CTIF: variants seen among roughly 807,000 people sequenced by gnomAD.
CTIF encodes CBP80/20-dependent translation initiation factor.
In CTIF, 21 loss-of-function variants were observed where a neutral mutation model predicts 66.0. The observed-to-expected ratio is 0.32, with a 90% CI of 0.23 to 0.46. The LOEUF (loss-of-function observed/expected upper bound fraction) is 0.46. CTIF is among the 20% of genes least tolerant of loss of function. CTIF has a pLI of 1.00. For synonymous variants in CTIF, 345 were observed against 326.4 expected (o/e 1.06, Z -0.62); for missense variants, 739 against 812.7 (o/e 0.91, Z 1.10).
chr18:48,684,372 A>G lies in CTIF; in HGVS notation c.507+13628A>G, dbSNP rs141166832. 7.4e-4 allele frequency among the ~76,000 whole-genome samples: 112 copies of G among 152,212 alleles called. No individual in the cohort carries two copies. In the East Asian group the frequency reaches 0.017, roughly 23 times the overall value. Reference sequence around the variant, plus strand: ...CTCAAGTGACCCGTTCCATTCCTCAAAGCAACTACATACCTTCACTGTTTT... The same window carrying G: ...CTCAAGTGACCCGTTCCATTCCTCAGAGCAACTACATACCTTCACTGTTTT... On this transcript the variant is annotated intron_variant, in intron 6 of 11. Coordinates refer to ENST00000256413, the MANE Select transcript of CTIF (RefSeq NM_014772.3).
chr18:48,647,222 C>T (rs897736058), intron 3 of CTIF, among the ~76,000 whole-genome samples: 1 of 152,142 alleles, frequency 6.6e-6, no homozygotes, highest in African/African-American at 2.4e-5. Context: ...CTCTGCAATT[C>T]CATTTATATA....
At chr18:48,692,102 A>G (rs145343062) in intron 6 of CTIF, among the ~76,000 whole-genome samples, 2,220 of 152,270 alleles carry the variant, frequency 0.015, 53 homozygotes, top group African/African-American at 0.05. Context: ...GGTTGGTCTC[A>G]AACTCCTGAC....
intron 6 of CTIF, among the ~76,000 whole-genome samples, chr18:48,679,011 C>T (rs2091693890): frequency 6.6e-6 from 1 of 152,186 alleles, no homozygotes; most frequent in South Asian, 2.1e-4. Flanking sequence ...CTGTGTGGAC[C>T]CTATCGCCGG....
intron 9 of CTIF, among the ~76,000 whole-genome samples, chr18:48,815,417 AT>A (rs1276901455): frequency 4.6e-5 from 7 of 152,252 alleles, no homozygotes; most frequent in Non-Finnish European, 8.8e-5. Context: ...TTATAGGACC[AT>A]TGTGATAACT....
At chr18:48,555,061 C>T (rs2088984540) in intron 1 of CTIF, among the ~76,000 whole-genome samples, 1 of 152,212 alleles carries the variant, frequency 6.6e-6, no homozygotes. Flanking sequence ...CCAAACCTCT[C>T]CTGGCTTCCC....
At chr18:48,641,563 C>T (rs2090932681) in intron 3 of CTIF, among the ~76,000 whole-genome samples, 1 of 152,214 alleles carries the variant, frequency 6.6e-6, no homozygotes, top group Non-Finnish European at 1.5e-5. Flanking sequence ...AGGGCACTCT[C>T]TTGTTTCATC....
Position 48,719,054 on chromosome 18 carries a change from C to T in CTIF, c.584+7359C>T, listed in dbSNP as rs554674646. ...TTCTTTTTGCCACCTCTTAATTCTA[C>T]GCTGTCTGCCCCATCAGTAGCCTCA... is the stretch of plus-strand genomic sequence containing the variant. On this transcript the variant is annotated intron_variant, in intron 7 of 11. Coordinates refer to ENST00000256413, the MANE Select transcript of CTIF (RefSeq NM_014772.3). Among the ~76,000 whole-genome samples, 6 of 152,320 alleles carry T rather than the reference C, an allele frequency of 3.9e-5. No homozygotes were observed. The East Asian group carries it at 5.8e-4, about 15-fold the overall frequency.
chr18:48,695,894 T>C (rs2091999628), intron 6 of CTIF, among the ~76,000 whole-genome samples: 1 of 152,230 alleles, frequency 6.6e-6, no homozygotes, highest in East Asian at 1.9e-4. Context: ...CTTCCTGCCA[T>C]TGTTGGGCTG....
intron 3 of CTIF, among the ~76,000 whole-genome samples, chr18:48,641,241 G>A (rs759005658): frequency 3.3e-5 from 5 of 152,270 alleles, no homozygotes; most frequent in Non-Finnish European, 7.3e-5. Context: ...GCATGGGAAA[G>A]GTTGTATGGG....
At chr18:48,827,595 C>T (rs1245759651) in intron 10 of CTIF, among the ~76,000 whole-genome samples, 1 of 152,166 alleles carries the variant, frequency 6.6e-6, no homozygotes. Flanking sequence ...ATCAGGAGAA[C>T]CTTTCTGCAT....
chr18:48,733,663 G>T (rs567711367), intron 7 of CTIF, among the ~76,000 whole-genome samples: 1 of 152,338 alleles, frequency 6.6e-6, no homozygotes, highest in East Asian at 1.9e-4. Context: ...TAGGATTATT[G>T]AGGAGAAGGA....
intron 10 of CTIF, among the ~76,000 whole-genome samples, chr18:48,824,046 A>G (rs1201036579): frequency 6.6e-6 from 1 of 151,828 alleles, no homozygotes; most frequent in Non-Finnish European, 1.5e-5. Flanking sequence ...AATTCAGTAA[A>G]TTTGCAAAAA....
At chr18:48,619,002 C>T (rs2090446176) in intron 1 of CTIF, among the ~76,000 whole-genome samples, 1 of 152,164 alleles carries the variant, frequency 6.6e-6, no homozygotes, top group African/African-American at 2.4e-5. Flanking sequence ...AAGTTACGGC[C>T]CATAGGCTTC....
At chr18:48,671,915 T>C (rs2091540524) in intron 6 of CTIF, among the ~76,000 whole-genome samples, 1 of 109,728 alleles carries the variant, frequency 9.1e-6, no homozygotes, top group Non-Finnish European at 1.8e-5. Flanking sequence ...GTTAATCCCA[T>C]TCAGTATATT....
intron 9 of CTIF, among the ~76,000 whole-genome samples, chr18:48,795,750 T>G (rs2067901037): frequency 1.3e-5 from 2 of 152,234 alleles, no homozygotes; most frequent in Non-Finnish European, 2.9e-5. Context: ...AATTCTGTGT[T>G]GGGAAGAATT....
intron 2 of CTIF, among the ~76,000 whole-genome samples, chr18:48,636,179 G>A (rs922090051): frequency 2.0e-5 from 3 of 152,200 alleles, no homozygotes; most frequent in Admixed American, 1.3e-4. Context: ...ATCATCTTTT[G>A]GAGCTAGGCT....
chr18:48,676,822 A>G (rs1008523781), intron 6 of CTIF, among the ~76,000 whole-genome samples: 1 of 151,890 alleles, frequency 6.6e-6, no homozygotes, highest in African/African-American at 2.4e-5. Flanking sequence ...GATCCTCCCC[A>G]CTACCTCTCT....
At chr18:48,649,866 C>G (rs1323684505) in intron 3 of CTIF, among the ~76,000 whole-genome samples, 1 of 152,230 alleles carries the variant, frequency 6.6e-6, no homozygotes, top group African/African-American at 2.4e-5. Flanking sequence ...CAAACTCCAA[C>G]AGACCTGCAC....
At chr18:48,720,950 T>C (rs543449432) in intron 7 of CTIF, among the ~76,000 whole-genome samples, 2 of 152,244 alleles carry the variant, frequency 1.3e-5, no homozygotes, top group African/African-American at 4.8e-5. Context: ...AATACAAGGC[T>C]CTGGGGGTTC....
Sources: allele counts gnomAD v4.1 joint callset (sites outside exome capture counted in the v4.1 genomes callset), GRCh38; gene constraint gnomAD v4.1.1; transcripts MANE v1.5; gene names NCBI Gene and HGNC (gene_info 2026-07-23, HGNC 2026-07-21).